Variants in ST6GALNAC3 observed in about 807,000 individuals in gnomAD.
The protein encoded by ST6GALNAC3 is alpha-N-acetylgalactosaminide alpha-2,6-sialyltransferase 3.
ST6GALNAC3 carries 25 observed loss-of-function variants against 32.7 expected under a neutral mutation model. The ratio of observed to expected loss-of-function variants is 0.76; its 90% CI spans 0.56 to 1.07. The LOEUF (loss-of-function observed/expected upper bound fraction) is 1.07. ST6GALNAC3 is among the 50% of genes least tolerant of loss of function. The pLI is 0.00. For missense variants in ST6GALNAC3, 355 were observed against 382.4 expected (o/e 0.93, Z 0.60); for synonymous variants, 129 against 133.1 (o/e 0.97, Z 0.21).
At chr1:76,561,971 C>A (rs1315368511) in intron 3 of ST6GALNAC3, among the ~76,000 whole-genome samples, 1 of 152,100 alleles carries the variant, frequency 6.6e-6, no homozygotes. Context: ...TGGAAACATT[C>A]TAAGTGAAGC....
intron 1 of ST6GALNAC3, among the ~76,000 whole-genome samples, chr1:76,272,560 C>T (rs189225755): frequency 6.6e-6 from 1 of 152,158 alleles, no homozygotes; most frequent in Non-Finnish European, 1.5e-5. Context: ...CATCTGTACT[C>T]GAACCATGAA....
intron 3 of ST6GALNAC3, among the ~76,000 whole-genome samples, chr1:76,536,061 A>T (rs927491945): frequency 2.0e-5 from 3 of 152,198 alleles, no homozygotes; most frequent in Non-Finnish European, 4.4e-5. Context: ...AAATGTTAAG[A>T]TAAAATAAGA....
At chr1:76,609,714 C>T (rs988461757) in intron 3 of ST6GALNAC3, among the ~76,000 whole-genome samples, 2 of 152,140 alleles carry the variant, frequency 1.3e-5, no homozygotes, top group Admixed American at 1.3e-4. Flanking sequence ...ATTAAAGATA[C>T]TGAGAAGTCC....
intron 2 of ST6GALNAC3, among the ~76,000 whole-genome samples, chr1:76,321,471 A>C (rs373796141): frequency 7.9e-5 from 12 of 152,240 alleles, no homozygotes; most frequent in East Asian, 3.9e-4. Context: ...TGCTGGTTTG[A>C]ACTGTTTTTG....
At chr1:76,567,519 T>C (rs1256959390) in intron 3 of ST6GALNAC3, among the ~76,000 whole-genome samples, 1 of 152,198 alleles carries the variant, frequency 6.6e-6, no homozygotes, top group East Asian at 1.9e-4. Flanking sequence ...ATATTTTCTT[T>C]CCTTTTATAC....
chr1:76,421,309 G>C (rs1655014789), intron 3 of ST6GALNAC3, among the ~76,000 whole-genome samples: 1 of 151,986 alleles, frequency 6.6e-6, no homozygotes, highest in African/African-American at 2.4e-5. Context: ...TTACCCAAAG[G>C]CTGGCAAATC....
intron 2 of ST6GALNAC3, among the ~76,000 whole-genome samples, chr1:76,361,733 C>G (rs1210010124): frequency 1.3e-5 from 2 of 152,120 alleles, no homozygotes; most frequent in Admixed American, 1.3e-4. Flanking sequence ...AATCCCAGCA[C>G]TTTGGGATGC....
At chr1:76,426,900 C>T (rs1655432746) in intron 3 of ST6GALNAC3, among the ~76,000 whole-genome samples, 1 of 151,644 alleles carries the variant, frequency 6.6e-6, no homozygotes, top group South Asian at 2.1e-4. Flanking sequence ...ACTGAAATGT[C>T]ACTGTGTGGC....
At chr1:76,240,331 A>G (rs1461503241) in intron 1 of ST6GALNAC3, among the ~76,000 whole-genome samples, 2 of 152,140 alleles carry the variant, frequency 1.3e-5, no homozygotes, top group African/African-American at 4.8e-5. Context: ...AACTTGTTTT[A>G]CTTTTTACCA....
At chr1:76,485,446 C>T (rs570430216) in intron 3 of ST6GALNAC3, among the ~76,000 whole-genome samples, 19 of 152,212 alleles carry the variant, frequency 1.2e-4, no homozygotes, top group African/African-American at 4.6e-4. Flanking sequence ...CTGGTTTAGT[C>T]TTGGGAGGAT....
chr1:76,218,379 T>C (rs1187123774), intron 1 of ST6GALNAC3, among the ~76,000 whole-genome samples: 1 of 152,208 alleles, frequency 6.6e-6, no homozygotes, highest in African/African-American at 2.4e-5. Flanking sequence ...TTTGCCCTTC[T>C]GCTCTAATCA....
chr1:76,494,445 A>ATTGCATGTG (rs1557487391), intron 3 of ST6GALNAC3, among the ~76,000 whole-genome samples: 1 of 80,822 alleles, frequency 1.2e-5, no homozygotes, highest in African/African-American at 3.9e-5. Flanking sequence ...ATATATATAT[A>ATTGCATGTG]TATATATATA....
chr1:76,109,982 A>C (rs1470391162), intron 1 of ST6GALNAC3, among the ~76,000 whole-genome samples: 3 of 152,244 alleles, frequency 2.0e-5, no homozygotes, highest in Non-Finnish European at 4.4e-5. Context: ...TATTAAGATT[A>C]TAAGAAAGCC....
chr1:76,604,607 C>T (rs1303263018), intron 3 of ST6GALNAC3, among the ~76,000 whole-genome samples: 1 of 152,164 alleles, frequency 6.6e-6, no homozygotes, highest in Non-Finnish European at 1.5e-5. Context: ...AATCTATAAT[C>T]TGATCATTTC....
intron 1 of ST6GALNAC3, among the ~76,000 whole-genome samples, chr1:76,199,547 T>A (rs571534005): frequency 6.6e-6 from 1 of 152,350 alleles, no homozygotes; most frequent in South Asian, 2.1e-4. Flanking sequence ...TGTATAATTT[T>A]TTCCAGAGTG....
At chr1:76,635,636 G>C (rs1013622564), downstream of ST6GALNAC3, among the ~76,000 whole-genome samples, 1 of 152,138 alleles carries the variant, frequency 6.6e-6, no homozygotes, top group Non-Finnish European at 1.5e-5. Context: ...TAGCTTAAGA[G>C]AATAAGATTT....
intron 2 of ST6GALNAC3, among the ~76,000 whole-genome samples, chr1:76,390,932 A>G (rs1652481967): frequency 1.2e-5 from 1 of 84,912 alleles, no homozygotes; most frequent in Non-Finnish European, 3.1e-5. Context: ...TAAAATGCTT[A>G]TATATATATA....
intron 3 of ST6GALNAC3, among the ~76,000 whole-genome samples, chr1:76,569,115 A>C (rs1366222762): frequency 1.3e-5 from 2 of 152,150 alleles, no homozygotes; most frequent in African/African-American, 2.4e-5. Context: ...ACTATTCTCT[A>C]GGGAAATGAA....
At chr1:76,215,422 A>C (rs1043028059) in intron 1 of ST6GALNAC3, among the ~76,000 whole-genome samples, 2 of 152,124 alleles carry the variant, frequency 1.3e-5, no homozygotes, top group Admixed American at 1.3e-4. Flanking sequence ...AAAAATGCCA[A>C]TGGCTGGGTT....
Sources: allele counts gnomAD v4.1 joint callset (sites outside exome capture counted in the v4.1 genomes callset), GRCh38; gene constraint gnomAD v4.1.1; transcripts MANE v1.5; gene names NCBI Gene and HGNC (gene_info 2026-07-23, HGNC 2026-07-21).